Variants in ARK2N observed in about 807,000 individuals in gnomAD.
The protein encoded by ARK2N is protein ARK2N.
chr18:46,209,258 T>G, the ARK2N span, among the ~76,000 whole-genome samples: 1 of 152,098 alleles, frequency 6.6e-6, no homozygotes, highest in Non-Finnish European at 1.5e-5. Context: ...CTCTGTCAGA[T>G]TCTCTGTAGC....
At chr18:46,192,718 C>T in the ARK2N span, among the ~76,000 whole-genome samples, 1 of 151,636 alleles carries the variant, frequency 6.6e-6, no homozygotes, top group Non-Finnish European at 1.5e-5. Flanking sequence ...ACTACAGGCC[C>T]GCCACCATGC....
chr18:46,184,894 G>C, the ARK2N span, among the ~76,000 whole-genome samples: 1 of 152,200 alleles, frequency 6.6e-6, no homozygotes. Flanking sequence ...TAGTTTCATA[G>C]TGCCTGATTC....
chr18:46,207,186 A>G, the ARK2N span, among the ~76,000 whole-genome samples: 13 of 152,206 alleles, frequency 8.5e-5, no homozygotes, highest in African/African-American at 3.1e-4. Context: ...TCAGTCACCT[A>G]CTTCCATGGT....
At chr18:46,218,209 G>A in the ARK2N span, 25 of 152,314 alleles carry the variant, frequency 1.6e-4, no homozygotes, top group East Asian at 4.4e-3. Flanking sequence ...GGTTAGATGT[G>A]CTTTGTTCAT....
the ARK2N span, among the ~76,000 whole-genome samples, chr18:46,262,083 A>C: frequency 6.6e-6 from 1 of 152,190 alleles, no homozygotes; most frequent in African/African-American, 2.4e-5. Context: ...GGAAGTTTAG[A>C]TGAGAGGACA....
At chr18:46,186,419 C>T in the ARK2N span, among the ~76,000 whole-genome samples, 1 of 151,196 alleles carries the variant, frequency 6.6e-6, no homozygotes, top group African/African-American at 2.4e-5. Context: ...TGGTCTCAAT[C>T]TCTTGACCTC....
chr18:46,206,003 T>A, the ARK2N span, among the ~76,000 whole-genome samples: 1 of 152,060 alleles, frequency 6.6e-6, no homozygotes, highest in East Asian at 1.9e-4. Flanking sequence ...GTGCTGGGAT[T>A]ACAGGCATGA....
the ARK2N span, among the ~76,000 whole-genome samples, chr18:46,247,176 G>GT: frequency 6.1e-4 from 91 of 148,168 alleles, no homozygotes; most frequent in South Asian, 1.7e-3. Context: ...ATGGTACCTT[G>GT]TTTTTTTTTT....
chr18:46,203,236 G>A, the ARK2N span, among the ~76,000 whole-genome samples: 2 of 152,160 alleles, frequency 1.3e-5, no homozygotes, highest in Admixed American at 6.5e-5. Flanking sequence ...CTGAAAAAAT[G>A]ACAAATGTCT....
the ARK2N span, among the ~76,000 whole-genome samples, chr18:46,212,004 G>A: frequency 6.6e-6 from 1 of 152,136 alleles, no homozygotes; most frequent in Admixed American, 6.5e-5. Context: ...TAATCTTTAT[G>A]TATGACATCA....
chr18:46,229,778 A>T, the ARK2N span, among the ~76,000 whole-genome samples: 35 of 150,536 alleles, frequency 2.3e-4, 2 homozygotes, highest in South Asian at 6.9e-3. Flanking sequence ...TAATTTTCTT[A>T]TTTTTTGCAA....
At chr18:46,220,732 C>T in the ARK2N span, among the ~76,000 whole-genome samples, 8 of 152,134 alleles carry the variant, frequency 5.3e-5, no homozygotes, top group African/African-American at 1.9e-4. Flanking sequence ...AATAACTTCC[C>T]TAATGGTCCT....
chr18:46,240,287 A>G, the ARK2N span: 1 of 1,285,074 alleles, frequency 7.8e-7, no homozygotes, highest in Non-Finnish European at 1.1e-6. Context: ...AGGTCATACC[A>G]GAGACATCTG....
the ARK2N span, among the ~76,000 whole-genome samples, chr18:46,255,569 A>G: frequency 1.4e-5 from 2 of 145,004 alleles, no homozygotes; most frequent in Non-Finnish European, 3.0e-5. Context: ...CTCCTGTCTC[A>G]GGCCCCTGAG....
the ARK2N span, among the ~76,000 whole-genome samples, chr18:46,255,722 A>G: frequency 6.6e-6 from 1 of 151,326 alleles, no homozygotes; most frequent in Admixed American, 6.6e-5. Context: ...AAGTGCTGGG[A>G]TCACAGGCAT....
At chr18:46,179,035 T>A in the ARK2N span, among the ~76,000 whole-genome samples, 1 of 152,086 alleles carries the variant, frequency 6.6e-6, no homozygotes. Flanking sequence ...CTCTGCCTCC[T>A]GGGTTCAAGT....
chr18:46,258,253 A>G, the ARK2N span, among the ~76,000 whole-genome samples: 1 of 152,160 alleles, frequency 6.6e-6, no homozygotes. Flanking sequence ...TCCAAAAAAA[A>G]CTAGTGATAC....
the ARK2N span, among the ~76,000 whole-genome samples, chr18:46,222,252 T>C: frequency 2.0e-5 from 3 of 152,228 alleles, no homozygotes; most frequent in Non-Finnish European, 2.9e-5. Context: ...TGAAAATCAC[T>C]GTGAAACTGG....
chr18:46,188,325 G>C, the ARK2N span, among the ~76,000 whole-genome samples: 1 of 151,928 alleles, frequency 6.6e-6, no homozygotes, highest in Non-Finnish European at 1.5e-5. Context: ...CTCAGCCTCC[G>C]GAGCAGCTGG....
Sources: gnomAD v4.1 joint callset for allele counts (sites outside exome capture counted in the v4.1 genomes callset) on GRCh38, gnomAD v4.1.1 for gene constraint, MANE v1.5 for transcripts, NCBI Gene and HGNC (gene_info 2026-07-23, HGNC 2026-07-21) for gene names.